The following XKR9 variants were observed in gnomAD, a reference collection of about 807,000 sequenced individuals.
The protein encoded by XKR9 is XK related 9, also known as XK-related protein 9.
Under a neutral mutation model 32.0 loss-of-function variants are expected in XKR9, and 32 were observed. That is an observed-to-expected ratio of 1.00 (90% confidence interval 0.76 to 1.34). The LOEUF is 1.34. XKR9 is among the 40% of genes most tolerant of loss of function. The probability of loss-of-function intolerance (pLI) is 0.00; values close to 1 mark genes in which losing one functional copy is unlikely to be tolerated. For synonymous variants in XKR9, 168 were observed against 143.4 expected (o/e 1.17, Z -1.22); for missense variants, 546 against 429.7 (o/e 1.27, Z -2.39).
At chr8:70,806,158 C>T in the XKR9 span, among the ~76,000 whole-genome samples, 1 of 152,174 alleles carries the variant, frequency 6.6e-6, no homozygotes, top group Non-Finnish European at 1.5e-5. Context: ...CAAACTGCAG[C>T]AGCCCTACAG....
At chr8:70,698,633 G>C (rs1215385284) in intron 3 of XKR9, among the ~76,000 whole-genome samples, 2 of 151,984 alleles carry the variant, frequency 1.3e-5, no homozygotes, top group African/African-American at 4.8e-5. Flanking sequence ...AATAGGTGTG[G>C]TGTGGTGCTG....
chr8:70,864,990 G>C, the XKR9 span, among the ~76,000 whole-genome samples: 1 of 152,258 alleles, frequency 6.6e-6, no homozygotes, highest in African/African-American at 2.4e-5. Context: ...AATATCTTCT[G>C]TGAATAATTC....
chr8:70,760,508 G>T (rs7014012), intron 2 of XKR9, among the ~76,000 whole-genome samples: 61,302 of 151,888 alleles, frequency 0.4, 13,903 homozygotes, highest in Non-Finnish European at 0.52. Flanking sequence ...AACATAAAAC[G>T]TACTATTTTA....
chr8:70,895,008 T>C, the XKR9 span, among the ~76,000 whole-genome samples: 4 of 152,050 alleles, frequency 2.6e-5, no homozygotes, highest in Non-Finnish European at 4.4e-5. Context: ...GGTTGGGGTA[T>C]AATATTGGTT....
At chr8:70,936,887 T>C in the XKR9 span, among the ~76,000 whole-genome samples, 1 of 152,132 alleles carries the variant, frequency 6.6e-6, no homozygotes, top group East Asian at 1.9e-4. Flanking sequence ...TGATATGTTA[T>C]GTTTTTTTCT....
downstream of XKR9, among the ~76,000 whole-genome samples, chr8:70,740,906 G>T (rs181210225): frequency 6.6e-6 from 1 of 152,190 alleles, no homozygotes; most frequent in Non-Finnish European, 1.5e-5. Flanking sequence ...TAGGCTGCTC[G>T]GGGTCAGGGG....
At chr8:70,754,726 C>T (rs965534882) in intron 2 of XKR9, among the ~76,000 whole-genome samples, 2 of 151,104 alleles carry the variant, frequency 1.3e-5, no homozygotes, top group Non-Finnish European at 3.0e-5. Flanking sequence ...AAAGCTGAAA[C>T]TGGATCCCTT....
At chr8:70,906,899 A>G in the XKR9 span, among the ~76,000 whole-genome samples, 235 of 152,308 alleles carry the variant, frequency 1.5e-3, no homozygotes, top group Non-Finnish European at 2.9e-3. Context: ...TATATATAGT[A>G]ACATTCATTG....
chr8:70,872,466 A>G, the XKR9 span, among the ~76,000 whole-genome samples: 1 of 152,268 alleles, frequency 6.6e-6, no homozygotes, highest in Admixed American at 6.5e-5. Context: ...AGAATCTGCA[A>G]CAAGTTATTC....
At chr8:70,919,356 A>T in the XKR9 span, among the ~76,000 whole-genome samples, 1 of 152,338 alleles carries the variant, frequency 6.6e-6, no homozygotes, top group African/African-American at 2.4e-5. Flanking sequence ...TCTCCCTATT[A>T]TCTATCTTAG....
At chr8:71,034,067 A>G in the XKR9 span, among the ~76,000 whole-genome samples, 1 of 152,204 alleles carries the variant, frequency 6.6e-6, no homozygotes, top group African/African-American at 2.4e-5. Context: ...GCTTTGACCC[A>G]TAGAGTATGG....
At chr8:70,788,324 G>T (rs929024719) in intron 2 of XKR9, among the ~76,000 whole-genome samples, 1 of 152,110 alleles carries the variant, frequency 6.6e-6, no homozygotes, top group Non-Finnish European at 1.5e-5. Context: ...ATTGTCAGTT[G>T]TTGCAACTTT....
chr8:70,843,155 A>G, the XKR9 span, among the ~76,000 whole-genome samples: 2 of 152,240 alleles, frequency 1.3e-5, no homozygotes, highest in East Asian at 1.9e-4. Context: ...AATATACTAT[A>G]AAAATAATAA....
At position 70,671,796 on chromosome 8, in the gene XKR9, G is replaced by A. The variant is rs1169435503; in HGVS notation, c.-361+2258G>A. ...GTGAATAGTGCCGCAATAAACATAC[G>A]TGTGATTGTTTATCTAGAAAACCCC... On this transcript the variant is annotated intron_variant, in intron 1 of 4. Coordinates refer to ENST00000408926, the MANE Select transcript of XKR9 (RefSeq NM_001011720.2). Among the ~76,000 whole-genome samples, 8 of 113,506 alleles carry A rather than the reference G, an allele frequency of 7.0e-5. 1 individual carries two copies. Among genetic ancestry groups the A allele is most frequent in the South Asian group, 2.4e-4 (1 of 4,102 alleles). 74.5% of individuals were successfully genotyped at this position (113,506 alleles called of 152,430 possible).
chr8:70,770,179 T>G (rs1242214495), intron 2 of XKR9, among the ~76,000 whole-genome samples: 1 of 152,204 alleles, frequency 6.6e-6, no homozygotes, highest in Admixed American at 6.5e-5. Flanking sequence ...TTGCTAGTTT[T>G]CCTCCTAACA....
At chr8:71,013,345 G>C in the XKR9 span, among the ~76,000 whole-genome samples, 1 of 152,056 alleles carries the variant, frequency 6.6e-6, no homozygotes, top group Admixed American at 6.6e-5. Flanking sequence ...CTTATGTCAG[G>C]TTCCCTTAAC....
downstream of XKR9, among the ~76,000 whole-genome samples, chr8:70,737,444 A>T (rs1410675289): frequency 7.2e-6 from 1 of 138,720 alleles, no homozygotes; most frequent in Non-Finnish European, 1.6e-5. Context: ...TCTTTTCCTG[A>T]TTGAATACCC....
the XKR9 span, among the ~76,000 whole-genome samples, chr8:70,982,201 C>T: frequency 2.0e-5 from 3 of 152,252 alleles, no homozygotes; most frequent in South Asian, 2.1e-4. Flanking sequence ...AGGGATGCCT[C>T]GTTAAGTATT....
At chr8:71,065,000 A>C in the XKR9 span, among the ~76,000 whole-genome samples, 1 of 152,220 alleles carries the variant, frequency 6.6e-6, no homozygotes, top group African/African-American at 2.4e-5. Context: ...GGGCCAGCCA[A>C]CTGAGGCTTC....
Sources: allele counts gnomAD v4.1 joint callset (sites outside exome capture counted in the v4.1 genomes callset), GRCh38; gene constraint gnomAD v4.1.1; transcripts MANE v1.5; gene names NCBI Gene and HGNC (gene_info 2026-07-23, HGNC 2026-07-21).